The following CDK7 variants were observed in gnomAD, a reference collection of about 807,000 sequenced individuals.
CDK7 encodes the protein cyclin-dependent kinase 7.
Under a neutral mutation model 49.1 loss-of-function variants are expected in CDK7, and 25 were observed. The ratio of observed to expected loss-of-function variants is 0.51; its 90% CI spans 0.37 to 0.71. The LOEUF (loss-of-function observed/expected upper bound fraction) is 0.71. Ranked by LOEUF, CDK7 falls within the 30% of genes least tolerant of loss-of-function variation. CDK7 has a pLI of 0.00. For missense variants in CDK7, 316 were observed against 411.7 expected (o/e 0.77, Z 2.01); for synonymous variants, 107 against 140.0 (o/e 0.76, Z 1.67).
At chr5:69,241,001 A>G (rs1749334005) in intron 2 of CDK7, among the ~76,000 whole-genome samples, 1 of 152,204 alleles carries the variant, frequency 6.6e-6, no homozygotes, top group East Asian at 1.9e-4. Context: ...TGACAGACGC[A>G]TAGATTGCCT....
chr5:69,236,460 C>T (rs1175677225), intron 2 of CDK7, among the ~76,000 whole-genome samples: 1 of 152,008 alleles, frequency 6.6e-6, no homozygotes, highest in Admixed American at 6.6e-5. Context: ...GCTTTTGTTA[C>T]CGTTGCTACT....
intron 2 of CDK7, among the ~76,000 whole-genome samples, chr5:69,242,698 C>A (rs1483591267): frequency 2.6e-5 from 4 of 152,112 alleles, no homozygotes; most frequent in African/African-American, 9.7e-5. Flanking sequence ...CTGAATTTCT[C>A]CCATAGTTAG....
At chr5:69,264,458 T>C (rs966261299) in intron 8 of CDK7, among the ~76,000 whole-genome samples, 2 of 152,050 alleles carry the variant, frequency 1.3e-5, no homozygotes, top group Non-Finnish European at 2.9e-5. Flanking sequence ...GGCAGGAGAA[T>C]CTCTTGAGCC....
intron 7 of CDK7, among the ~76,000 whole-genome samples, chr5:69,260,329 G>A (rs1750737161): frequency 6.6e-6 from 1 of 151,626 alleles, no homozygotes; most frequent in Non-Finnish European, 1.5e-5. Flanking sequence ...CAGCCTGGGC[G>A]ACAGAGAAAG....
chr5:69,235,010 A>T lies in CDK7; in HGVS notation c.35A>T (p.Tyr12Phe). 1 of 1,604,094 alleles carries T rather than the reference A, an allele frequency of 6.2e-7. No individual in the cohort carries two copies. Among genetic ancestry groups the T allele is most frequent in the Non-Finnish European group, 8.5e-7 (1 of 1,175,662 alleles). The stretch of plus-strand genomic sequence containing the variant: ...GACGTGAAGTCTCGGGCAAAGCGTT[A>T]TGAGAAGCTGGACTTCCTTGGGGAG... ...ALDVKSRAKRYEKLDFLGEGQ... is the reference protein window; with the variant it reads ...ALDVKSRAKRFEKLDFLGEGQ... Residue 12 changes from tyrosine (Y) to phenylalanine (F), a missense_variant, in exon 1 of 12, where the codon TAT becomes TTT. Coordinates refer to ENST00000256443, the MANE Select transcript of CDK7 (RefSeq NM_001799.4).
At chr5:69,235,272 G>C (rs72767837) in intron 1 of CDK7, 122 bp from the exon 2 acceptor site, 14 of 839,906 alleles carry the variant, frequency 1.7e-5, no homozygotes, top group Non-Finnish European at 2.4e-5. Flanking sequence ...GACCCGCCAC[G>C]TTTCCAGCCG....
intron 2 of CDK7, chr5:69,250,862 C>T (rs1333358602): frequency 2.2e-6 from 1 of 456,480 alleles, no homozygotes; most frequent in Non-Finnish European, 4.4e-6. Context: ...GCTGATTATT[C>T]AGGGCCCAGG....
chr5:69,240,834 C>T (rs1749319692), intron 2 of CDK7, among the ~76,000 whole-genome samples: 1 of 152,106 alleles, frequency 6.6e-6, no homozygotes, highest in African/African-American at 2.4e-5. Flanking sequence ...TCCATGTTGA[C>T]CAGGATGGTC....
rs375438691 is a variant in CDK7 at position 69,257,456 on chromosome 5, T to C, written c.298-587T>C. 8.5e-5 allele frequency among the ~76,000 whole-genome samples: 13 copies of C among 152,360 alleles called. No individual in the cohort carries two copies. The East Asian group carries it at 2.1e-3, about 25-fold the overall frequency. ...ACGCTTTAACTAAGCTCCATTTTCTTCTCTGTTGCATTCTTCATGTGTACA... is the reference window on the plus strand; with the variant it reads ...ACGCTTTAACTAAGCTCCATTTTCTCCTCTGTTGCATTCTTCATGTGTACA... On this transcript the variant is annotated intron_variant, in intron 5 of 11. Coordinates refer to ENST00000256443, the MANE Select transcript of CDK7 (RefSeq NM_001799.4).
chr5:69,244,718 C>G (rs1749618852), intron 2 of CDK7, among the ~76,000 whole-genome samples: 1 of 151,542 alleles, frequency 6.6e-6, no homozygotes, highest in East Asian at 1.9e-4. Context: ...CTAGGACTTC[C>G]AGTACTATAT....
intron 9 of CDK7, among the ~76,000 whole-genome samples, chr5:69,271,056 G>A (rs1751489637): frequency 6.6e-6 from 1 of 152,178 alleles, no homozygotes; most frequent in Non-Finnish European, 1.5e-5. Context: ...CAAAACTCCA[G>A]AGCAGCTATA....
chr5:69,261,804 C>T (rs546320062), intron 7 of CDK7, among the ~76,000 whole-genome samples: 3 of 152,288 alleles, frequency 2.0e-5, no homozygotes, highest in South Asian at 4.1e-4. Context: ...GCTGGGATTA[C>T]AGGCGTGAGC....
intron 5 of CDK7, among the ~76,000 whole-genome samples, chr5:69,257,249 T>G (rs2150208960): frequency 6.6e-6 from 1 of 152,242 alleles, no homozygotes; most frequent in South Asian, 2.1e-4. Context: ...TTGATTATAG[T>G]GGTGGTTACA....
At chr5:69,234,835 C>T, upstream of CDK7, 1 of 819,896 alleles carries the variant, frequency 1.2e-6, no homozygotes, top group Non-Finnish European at 2.0e-6. Context: ...TTCCTCCGCC[C>T]ACCACGGAAG....
At position 69,243,826 on chromosome 5, in the gene CDK7, G is replaced by GTTTTTTT. The variant is rs747576681; in HGVS notation, c.126+8391_126+8397dup. ...TCAATTTCTTTCACCAATGATAGTT[G>GTTTTTTT]TTTTTTTTTTTTTTTTTTTTTTTTG... On this transcript the variant is annotated intron_variant, in intron 2 of 11. Transcript: ENST00000256443. Among the ~76,000 whole-genome samples the GTTTTTTT allele has an allele frequency of 2.8e-3, 183 of 66,394 alleles. 14 individuals carry two copies. The highest frequency in any genetic ancestry group is 3.0e-3 in the Admixed American group (12 of 4,024). The allele number at this position is 66,394 out of a possible 152,430, so 43.6% of individuals were successfully genotyped here. A position where few individuals can be genotyped will look rare whatever the true frequency, so the allele number is the denominator to read the frequency against.
intron 8 of CDK7, among the ~76,000 whole-genome samples, chr5:69,264,448 G>A (rs1018743462): frequency 5.9e-5 from 9 of 152,150 alleles, no homozygotes; most frequent in Admixed American, 2.0e-4. Context: ...GCGAGGCTGA[G>A]GCAGGAGAAT....
intron 9 of CDK7, among the ~76,000 whole-genome samples, chr5:69,271,346 A>T (rs1224243907): frequency 6.6e-6 from 1 of 152,146 alleles, no homozygotes; most frequent in African/African-American, 2.4e-5. Context: ...TCTAGATAGT[A>T]GTCCAAAAAG....
At position 69,277,222 on chromosome 5, in the gene CDK7, T is replaced by A; in HGVS notation, c.*87T>A. On this transcript the variant is annotated 3_prime_UTR_variant, in exon 12 of 12. Coordinates refer to ENST00000256443, the MANE Select transcript of CDK7 (RefSeq NM_001799.4). ...AATAGTAAACATTAAGTAAATGCTG[T>A]AGAAGTGAGTTTGTAAATATTCTAC... The A allele has an allele frequency of 1.1e-6, 1 of 894,924 alleles. No individual in the cohort carries two copies. The highest frequency in any genetic ancestry group is 1.7e-5 in the African/African-American group (1 of 58,872). The allele number at this position is 894,924 out of a possible 1,614,324, so 55.4% of individuals were successfully genotyped here. A position where few individuals can be genotyped will look rare whatever the true frequency, so the allele number is the denominator to read the frequency against.
chr5:69,274,280 T>A (rs946815087), intron 10 of CDK7, among the ~76,000 whole-genome samples: 7 of 152,184 alleles, frequency 4.6e-5, no homozygotes, highest in African/African-American at 1.7e-4. Flanking sequence ...TCTTAGATCT[T>A]TAGCCCAGAA....
Sources: allele counts gnomAD v4.1 joint callset (sites outside exome capture counted in the v4.1 genomes callset), GRCh38; gene constraint gnomAD v4.1.1; transcripts MANE v1.5; gene names NCBI Gene and HGNC (gene_info 2026-07-23, HGNC 2026-07-21).